XRN1: variants seen among roughly 807,000 people sequenced by gnomAD.
XRN1 encodes the protein 5'-3' exoribonuclease 1.
Under a neutral mutation model 222.3 loss-of-function variants are expected in XRN1, and 67 were observed. The observed-to-expected ratio is 0.30, with a 90% confidence interval of 0.25 to 0.37. The LOEUF (loss-of-function observed/expected upper bound fraction) is 0.37, where lower values mean the gene tolerates loss of function less well. Among genes scored for constraint, XRN1 ranks in the 10% least tolerant of loss-of-function variants. The pLI, the probability that XRN1 is intolerant of heterozygous loss-of-function variation, is 1.00. For missense variants in XRN1, 1,707 were observed against 2,000.2 expected, an observed-to-expected ratio of 0.85 and a Z score of 2.80; for synonymous variants, 643 against 652.4, an observed-to-expected ratio of 0.99 and a Z score of 0.22.
At chr3:142,408,175 A>G (rs2068423239) in intron 15 of XRN1, among the ~76,000 whole-genome samples, 1 of 152,234 alleles carries the variant, frequency 6.6e-6, no homozygotes, top group Non-Finnish European at 1.5e-5. Context: ...CCATAGGGGT[A>G]GCTGCAGTCC....
At chr3:142,327,985 A>G (rs1214204276) in intron 37 of XRN1, among the ~76,000 whole-genome samples, 1 of 152,190 alleles carries the variant, frequency 6.6e-6, no homozygotes, top group Non-Finnish European at 1.5e-5. Flanking sequence ...TGTTGCTGCA[A>G]AAGACATGGT....
chr3:142,361,647 G>T (rs547397067), intron 29 of XRN1, among the ~76,000 whole-genome samples: 125 of 152,112 alleles, frequency 8.2e-4, no homozygotes, highest in Non-Finnish European at 1.5e-3. Context: ...TCTGTATGTG[G>T]TAATATCTTA....
chr3:142,372,358 C>T (rs1559826066), intron 25 of XRN1, among the ~76,000 whole-genome samples: 1 of 152,174 alleles, frequency 6.6e-6, no homozygotes, highest in South Asian at 2.1e-4. Context: ...TGGAGATAAG[C>T]ATGCAGGTAG....
Position 142,308,156 on chromosome 3 carries a change from G to T in XRN1, c.*3355C>A, listed in dbSNP as rs1025838193. 6.6e-6 allele frequency: 1 copy of T among 152,108 alleles called. No individual in the cohort carries two copies. Among genetic ancestry groups the T allele is most frequent in the African/African-American group, 2.4e-5 (1 of 41,416 alleles). The allele number at this position is 152,108 out of a possible 1,614,324, so 9.4% of individuals were successfully genotyped here. On this transcript the variant is annotated 3_prime_UTR_variant, in exon 41 of 41. Coordinates refer to ENST00000392981, the MANE Select transcript of XRN1 (RefSeq NM_001282857.2). Reference sequence around the variant, plus strand: ...TAAACAGTTATGACTAACACAAATAGAACACATAAATAAAAAGTGAGTAAA... The same window carrying T: ...TAAACAGTTATGACTAACACAAATATAACACATAAATAAAAAGTGAGTAAA...
chr3:142,431,075 G>A (rs73238190), intron 2 of XRN1, among the ~76,000 whole-genome samples: 454 of 152,270 alleles, frequency 3.0e-3, no homozygotes, highest in Admixed American at 5.1e-3. Flanking sequence ...TTCAATACAC[G>A]TTTGTTGAAT....
intron 1 of XRN1, chr3:142,436,103 T>C (rs1173924146): frequency 7.6e-6 from 1 of 131,220 alleles, no homozygotes; most frequent in South Asian, 2.5e-4. Context: ...TCACAGAAAA[T>C]GGAAAGCAAT....
At chr3:142,409,830 T>A (rs1272840844) in intron 15 of XRN1, among the ~76,000 whole-genome samples, 1 of 152,210 alleles carries the variant, frequency 6.6e-6, no homozygotes, top group African/African-American at 2.4e-5. Flanking sequence ...TCTTTCAAGG[T>A]AGAGGGCTTC....
At chr3:142,399,239 A>G (rs76492386) in intron 19 of XRN1, among the ~76,000 whole-genome samples, 7 of 128,802 alleles carry the variant, frequency 5.4e-5, no homozygotes, top group South Asian at 2.3e-4. Context: ...AACAATTCTG[A>G]AAAAAAAAAA....
chr3:142,364,473 G>T (rs2066755253), intron 29 of XRN1, among the ~76,000 whole-genome samples: 1 of 151,814 alleles, frequency 6.6e-6, no homozygotes, highest in African/African-American at 2.4e-5. Flanking sequence ...CCACTTTTAA[G>T]CGTATGGTAC....
At position 142,401,421 on chromosome 3, in the gene XRN1, T is replaced by C. The variant is rs377324477; in HGVS notation, c.2104-874A>G. Among the ~76,000 whole-genome samples, 182 of 152,248 alleles carry C rather than the reference T, an allele frequency of 1.2e-3. 1 individual carries two copies. Among genetic ancestry groups the C allele is most frequent in the African/African-American group, 4.1e-3 (171 of 41,544 alleles). On this transcript the variant is annotated intron_variant, in intron 18 of 40. Transcript: ENST00000392981. ...TATCTTAAGTAAAAAATTCTAGTTTTAAGAAACTGTAGGCTGGGCGCTGTG... is the reference window on the plus strand; with the variant it reads ...TATCTTAAGTAAAAAATTCTAGTTTCAAGAAACTGTAGGCTGGGCGCTGTG...
intron 20 of XRN1, among the ~76,000 whole-genome samples, chr3:142,396,268 G>A (rs910020776): frequency 6.6e-6 from 1 of 152,000 alleles, no homozygotes; most frequent in African/African-American, 2.4e-5. Context: ...AATTAAAGGA[G>A]TCTTGACTAA....
chr3:142,313,100 G>T, intron 39 of XRN1: 2 of 1,586,004 alleles, frequency 1.3e-6, no homozygotes, highest in Non-Finnish European at 1.7e-6. Flanking sequence ...TGAGAGAAAA[G>T]CTTGGGCACA....
chr3:142,397,709 T>A lies in XRN1; in HGVS notation c.2208-249A>T, dbSNP rs1043595285. ...TGGGAAGTACAGAGGAAGAAGAAGA[T>A]AAGTTGGTTAATACAAAGTTAGATA... On this transcript the variant is annotated intron_variant, in intron 19 of 40. Coordinates refer to ENST00000392981, the MANE Select transcript of XRN1 (RefSeq NM_001282857.2). Among the ~76,000 whole-genome samples, 10 of 152,186 alleles carry A rather than the reference T, an allele frequency of 6.6e-5. No homozygotes were observed. The South Asian group carries it at 1.7e-3, about 25-fold the overall frequency.
intron 32 of XRN1, among the ~76,000 whole-genome samples, chr3:142,348,823 G>A (rs527901784): frequency 6.6e-6 from 1 of 152,094 alleles, no homozygotes; most frequent in Non-Finnish European, 1.5e-5. Flanking sequence ...TTTTTTTGTA[G>A]AGACAGGGAT....
At chr3:142,379,336 G>T (rs1438937531) in intron 23 of XRN1, among the ~76,000 whole-genome samples, 1 of 152,014 alleles carries the variant, frequency 6.6e-6, no homozygotes, top group African/African-American at 2.4e-5. Context: ...TCTAATCTAG[G>T]ATTCTACACC....
chr3:142,361,741 G>T (rs6802631), intron 29 of XRN1, among the ~76,000 whole-genome samples: 93,874 of 151,856 alleles, frequency 0.62, 30,458 homozygotes, highest in African/African-American at 0.83. Context: ...GTATCTTCTG[G>T]GGTAAAATAT....
At chr3:142,399,549 G>A in intron 19 of XRN1, among the ~76,000 whole-genome samples, 1 of 151,992 alleles carries the variant, frequency 6.6e-6, no homozygotes, top group Non-Finnish European at 1.5e-5. Flanking sequence ...AGAGCTCTTA[G>A]ACATGACACC....
chr3:142,363,936 T>C (rs2066734361), intron 29 of XRN1, among the ~76,000 whole-genome samples: 1 of 152,130 alleles, frequency 6.6e-6, no homozygotes, highest in Non-Finnish European at 1.5e-5. Flanking sequence ...ACAAAAAAAT[T>C]AGGGAAGAAA....
intron 39 of XRN1, among the ~76,000 whole-genome samples, chr3:142,317,805 A>G (rs529535028): frequency 1.3e-5 from 2 of 152,160 alleles, no homozygotes; most frequent in Non-Finnish European, 2.9e-5. Context: ...ACTTATGCTC[A>G]TTTGTAGTCT....
Sources: allele counts gnomAD v4.1 joint callset (sites outside exome capture counted in the v4.1 genomes callset), GRCh38; gene constraint gnomAD v4.1.1; transcripts MANE v1.5; gene names NCBI Gene and HGNC (gene_info 2026-07-23, HGNC 2026-07-21).